The following ADAM32 variants were observed in gnomAD, a reference collection of about 807,000 sequenced individuals.
The protein encoded by ADAM32 is disintegrin and metalloproteinase domain-containing protein 32.
In ADAM32, 89 loss-of-function variants were observed where a neutral mutation model predicts 114.9. That is an observed-to-expected ratio of 0.77 (90% CI 0.65 to 0.92). The LOEUF (loss-of-function observed/expected upper bound fraction) is 0.92, where lower values mean the gene tolerates loss of function less well. Ranked by LOEUF, ADAM32 falls within the 40% of genes least tolerant of loss-of-function variation. The pLI, the probability that ADAM32 is intolerant of heterozygous loss-of-function variation, is 0.00. For missense variants in ADAM32, 870 were observed against 932.8 expected, an observed-to-expected ratio of 0.93 and a Z score of 0.88; for synonymous variants, 285 against 307.5, an observed-to-expected ratio of 0.93 and a Z score of 0.77.
At chr8:39,232,280 A>G in intron 15 of ADAM32, 145 bp downstream of exon 15, 3 of 562,932 alleles carry the variant, frequency 5.3e-6, no homozygotes, top group Middle Eastern at 4.8e-4. Context: ...CCCAGCCCTG[A>G]CACCTCTTTT....
chr8:39,266,074 T>C (rs906168935), intron 19 of ADAM32, among the ~76,000 whole-genome samples: 3 of 152,166 alleles, frequency 2.0e-5, no homozygotes, highest in Non-Finnish European at 4.4e-5. Flanking sequence ...ACTTGCCCCT[T>C]CTCCCAAGCT....
chr8:39,251,550 T>G (rs1331844926), intron 17 of ADAM32, among the ~76,000 whole-genome samples: 1 of 151,820 alleles, frequency 6.6e-6, no homozygotes. Flanking sequence ...CCCATTTTTT[T>G]AATCATATAC....
rs547974798 is a variant in ADAM32, at chr8:39,225,539, C to T, written c.1525+2301C>T. Among the ~76,000 whole-genome samples, 96 of 152,254 alleles carry T rather than the reference C, an allele frequency of 6.3e-4. 1 individual carries two copies. Among genetic ancestry groups the T allele is most frequent in the African/African-American group, 2.1e-3 (88 of 41,538 alleles). On this transcript the variant is annotated intron_variant, in intron 14 of 24. Transcript: ENST00000379907. ...AGACCTTGTGCCAAATGAAATTGCC[C>T]GGGGCCATGACCTCCCTGGTGGGAG...
chr8:39,283,455 T>A (rs1325220097), intron 23 of ADAM32, 131 bp from the exon 24 acceptor site: 1 of 628,400 alleles, frequency 1.6e-6, no homozygotes, highest in African/African-American at 2.0e-5. Flanking sequence ...AGGTAGAAAT[T>A]TGGCAAATAT....
At chr8:39,282,602 G>T (rs141499563) in intron 23 of ADAM32, among the ~76,000 whole-genome samples, 1 of 152,282 alleles carries the variant, frequency 6.6e-6, no homozygotes, top group African/African-American at 2.4e-5. Context: ...AACTTAGTAA[G>T]CTAAGCAGAC....
chr8:39,218,436 G>A (rs1282400522), intron 12 of ADAM32, among the ~76,000 whole-genome samples: 1 of 152,176 alleles, frequency 6.6e-6, no homozygotes, highest in Non-Finnish European at 1.5e-5. Context: ...AACCAGGCTT[G>A]TGTCCTCCCC....
intron 12 of ADAM32, among the ~76,000 whole-genome samples, chr8:39,219,710 CA>C (rs1808823027): frequency 6.6e-6 from 1 of 152,192 alleles, no homozygotes; most frequent in Non-Finnish European, 1.5e-5. Context: ...TGAAGTCATT[CA>C]AGAGCAAGTT....
intron 17 of ADAM32, among the ~76,000 whole-genome samples, chr8:39,251,602 A>G (rs966009683): frequency 6.6e-6 from 1 of 151,694 alleles, no homozygotes; most frequent in African/African-American, 2.4e-5. Context: ...AGCTCCTTAT[A>G]TATTATGATT....
At chr8:39,163,308 G>C (rs1484972653) in intron 7 of ADAM32, among the ~76,000 whole-genome samples, 6 of 152,168 alleles carry the variant, frequency 3.9e-5, no homozygotes, top group Non-Finnish European at 5.9e-5. Flanking sequence ...GTTTCCAATG[G>C]TAGGGGGCAC....
intron 7 of ADAM32, among the ~76,000 whole-genome samples, chr8:39,162,315 T>C (rs956602472): frequency 1.3e-5 from 2 of 151,926 alleles, no homozygotes; most frequent in Non-Finnish European, 2.9e-5. Flanking sequence ...CCAGCTTCAT[T>C]CATGTCCCTA....
At chr8:39,253,052 C>G (rs1279715435) in intron 17 of ADAM32, among the ~76,000 whole-genome samples, 1 of 151,530 alleles carries the variant, frequency 6.6e-6, no homozygotes, top group Non-Finnish European at 1.5e-5. Flanking sequence ...AAATTTACAG[C>G]AAGACATTAA....
chr8:39,211,682 A>G (rs1489424416), intron 12 of ADAM32, among the ~76,000 whole-genome samples: 1 of 152,214 alleles, frequency 6.6e-6, no homozygotes, highest in Non-Finnish European at 1.5e-5. Flanking sequence ...CCTTTAGGTT[A>G]TTACTTCACA....
chr8:39,133,103 C>T (rs1802562438), intron 2 of ADAM32, among the ~76,000 whole-genome samples: 1 of 152,096 alleles, frequency 6.6e-6, no homozygotes, highest in Non-Finnish European at 1.5e-5. Context: ...CCTCATGTTG[C>T]AATTTGACCT....
intron 11 of ADAM32, among the ~76,000 whole-genome samples, chr8:39,195,167 A>C (rs1806889571): frequency 1.3e-5 from 2 of 152,080 alleles, no homozygotes; most frequent in Admixed American, 6.5e-5. Flanking sequence ...GCCTTCTCTG[A>C]AGATCTGCTA....
intron 12 of ADAM32, among the ~76,000 whole-genome samples, chr8:39,212,095 C>A (rs1768760785): frequency 6.6e-6 from 1 of 152,152 alleles, no homozygotes; most frequent in Non-Finnish European, 1.5e-5. Flanking sequence ...CGGCTCACTT[C>A]AACCTCCGCC....
At chr8:39,242,575 C>A (rs1810632420) in intron 16 of ADAM32, among the ~76,000 whole-genome samples, 1 of 152,166 alleles carries the variant, frequency 6.6e-6, no homozygotes, top group South Asian at 2.1e-4. Context: ...ACCATCAGAT[C>A]TCATGAGATT....
At chr8:39,243,613 A>G (rs1481587532) in intron 16 of ADAM32, among the ~76,000 whole-genome samples, 1 of 152,198 alleles carries the variant, frequency 6.6e-6, no homozygotes, top group African/African-American at 2.4e-5. Context: ...AAAAATTGGC[A>G]TAGAAGGGAC....
chr8:39,198,012 A>G (rs1807125799), intron 11 of ADAM32, among the ~76,000 whole-genome samples: 1 of 152,068 alleles, frequency 6.6e-6, no homozygotes, highest in Non-Finnish European at 1.5e-5. Flanking sequence ...TGTTTGGTGC[A>G]TATATATTTA....
At chr8:39,109,399 T>A (rs1409468954) in intron 1 of ADAM32, among the ~76,000 whole-genome samples, 1 of 151,676 alleles carries the variant, frequency 6.6e-6, no homozygotes, top group East Asian at 1.9e-4. Flanking sequence ...ACAAAAAAAT[T>A]AGCTGGGCGT....
Sources: allele counts gnomAD v4.1 joint callset (sites outside exome capture counted in the v4.1 genomes callset), GRCh38; gene constraint gnomAD v4.1.1; transcripts MANE v1.5; gene names NCBI Gene and HGNC (gene_info 2026-07-23, HGNC 2026-07-21).